The following PARP6 variants were observed in gnomAD, a reference collection of about 807,000 sequenced individuals.
PARP6 encodes the protein protein mono-ADP-ribosyltransferase PARP6.
A neutral mutation model predicts 92.0 loss-of-function variants in PARP6; 27 were observed. That is an observed-to-expected ratio of 0.29 (90% CI 0.22 to 0.40). The LOEUF (loss-of-function observed/expected upper bound fraction) is 0.40, where lower values mean the gene tolerates loss of function less well. Ranked by LOEUF, PARP6 falls within the 10% of genes least tolerant of loss-of-function variation. PARP6 has a pLI of 1.00. For synonymous variants in PARP6, 272 were observed against 281.2 expected (o/e 0.97, Z 0.33); for missense variants, 501 against 784.5 (o/e 0.64, Z 4.32).
Position 72,242,183 on chromosome 15 carries a change from T to G in PARP6, c.1679A>C (p.Asn560Thr). The G allele has an allele frequency of 6.2e-7, 1 of 1,614,116 alleles. No homozygotes were observed. The highest frequency in any genetic ancestry group is 8.5e-7 in the Non-Finnish European group (1 of 1,179,994). ...TTCACAAAGTGCTATACAGTTTAGA[T>G]TCCGACTCTGCAGGAACCGTGACTG... ...SIQSRFLQSRNLNCIALCEVI... is the reference protein window; with the variant it reads ...SIQSRFLQSRTLNCIALCEVI... The change falls in exon 22 of 24, where the codon AAT (asparagine) becomes ACT (threonine). Residue 560 changes from asparagine to threonine, a missense_variant. Transcript: ENST00000569795. The surrounding 1 kb of genome is among the most constrained non-coding windows in gnomAD (Gnocchi z 4.3).
At chr15:72,243,119 AG>A (rs2140880566) in intron 20 of PARP6, 1 of 165,808 alleles carries the variant, frequency 6.0e-6, no homozygotes, top group African/African-American at 2.4e-5. Flanking sequence ...TGAATTGCAG[AG>A]GAGTGGTGAG....
In PARP6 at chr15:72,241,309, G is replaced by A. The variant is rs1353269807; in HGVS notation, c.*146C>T. ...TAGTTCTTGGGTCAAGCTCTACCATGAAGGCCACCTCTTACATATCCTTTT... is the reference window on the plus strand; with the variant it reads ...TAGTTCTTGGGTCAAGCTCTACCATAAAGGCCACCTCTTACATATCCTTTT... On this transcript the variant is annotated 3_prime_UTR_variant, in exon 24 of 24. Transcript: ENST00000569795. The surrounding 1 kb of genome is among the most constrained non-coding windows in gnomAD (Gnocchi z 4.1). The A allele has an allele frequency of 2.8e-6, 2 of 710,574 alleles. No individual in the cohort carries two copies. The highest frequency in any genetic ancestry group is 3.5e-5 in the African/African-American group (2 of 57,324). The allele number at this position is 710,574 out of a possible 1,614,324, so 44.0% of individuals were successfully genotyped here.
rs1567182237 is a variant in PARP6 at position 72,251,269 on chromosome 15, G to A, written c.1260-14C>T. 6 of 1,534,608 alleles carry A rather than the reference G, an allele frequency of 3.9e-6. No homozygotes were observed. Among genetic ancestry groups the A allele is most frequent in the Admixed American group, 3.6e-5 (2 of 55,394 alleles). ...CTAGAGATGATCCTGGGAAGAAACA[G>A]AAAAAAATAAAAAGGATAGAATAAT... On this transcript the variant is annotated splice_polypyrimidine_tract_variant and intron_variant, in intron 16 of 23. Coordinates refer to ENST00000569795, the MANE Select transcript of PARP6 (RefSeq NM_001323532.2).
At chr15:72,270,052 T>C (rs960683956) in intron 2 of PARP6, among the ~76,000 whole-genome samples, 1 of 152,232 alleles carries the variant, frequency 6.6e-6, no homozygotes, top group African/African-American at 2.4e-5. Flanking sequence ...TAAGGACCTG[T>C]GGTTCATTCC....
chr15:72,272,008 T>C (rs946881706), intron 1 of PARP6, among the ~76,000 whole-genome samples: 2 of 152,192 alleles, frequency 1.3e-5, no homozygotes, highest in African/African-American at 2.4e-5. Context: ...CCCGGCTTTG[T>C]GGTCCTGGAG....
At chr15:72,265,699 G>A (rs1041767676) in intron 5 of PARP6, among the ~76,000 whole-genome samples, 198 bp downstream of exon 5, 5 of 152,170 alleles carry the variant, frequency 3.3e-5, no homozygotes, top group Non-Finnish European at 5.9e-5. Flanking sequence ...GGCCCAGAGG[G>A]GTCTAGGATA....
rs747993031 is a variant in PARP6 at position 72,265,490 on chromosome 15, G to A, written c.177-17C>T. 6.3e-7 allele frequency: 1 copy of A among 1,591,334 alleles called. No homozygotes were observed. Among genetic ancestry groups the A allele is most frequent in the Non-Finnish European group, 8.6e-7 (1 of 1,159,174 alleles). On this transcript the variant is annotated splice_polypyrimidine_tract_variant and intron_variant, in intron 5 of 23. Transcript: ENST00000569795. Reference sequence around the variant, plus strand: ...CCATATTCTCTATAGAGATACAGGTGACAACAGGTGAGACTCATTAAGGGA... The same window carrying A: ...CCATATTCTCTATAGAGATACAGGTAACAACAGGTGAGACTCATTAAGGGA...
chr15:72,241,203 T>G lies in PARP6; in HGVS notation c.*252A>C. 2 of 596,034 alleles carry G rather than the reference T, an allele frequency of 3.4e-6. No homozygotes were observed. Among genetic ancestry groups the G allele is most frequent in the Non-Finnish European group, 6.3e-6 (2 of 317,618 alleles). The allele number at this position is 596,034 out of a possible 1,614,324, so 36.9% of individuals were successfully genotyped here. A position where few individuals can be genotyped will look rare whatever the true frequency, so the allele number is the denominator to read the frequency against. On this transcript the variant is annotated 3_prime_UTR_variant, in exon 24 of 24. Transcript: ENST00000569795. The surrounding 1 kb of genome is among the most constrained non-coding windows in gnomAD (Gnocchi z 4.1). ...ATATCCAGTCCACAGCACCTTCCAT[T>G]TTATTGTTTTATTTACAAACAGGGT...
In PARP6 at chr15:72,264,635, A is replaced by G. The variant is rs1228969917; in HGVS notation, c.329-14T>C. The stretch of plus-strand genomic sequence containing the variant: ...CAATGGATGGTTCTGCAAAGAGAAG[A>G]GAAGGCTACTAGTAAGTACATATCT... On this transcript the variant is annotated splice_polypyrimidine_tract_variant and intron_variant, in intron 7 of 23. Transcript: ENST00000569795. The G allele has an allele frequency of 1.2e-6, 2 of 1,609,908 alleles. No individual in the cohort carries two copies. Among genetic ancestry groups the G allele is most frequent in the East Asian group, 4.5e-5 (2 of 44,848 alleles).
chr15:72,264,314 T>C (rs1467782155), intron 8 of PARP6, among the ~76,000 whole-genome samples: 1 of 152,230 alleles, frequency 6.6e-6, no homozygotes, highest in Non-Finnish European at 1.5e-5. Flanking sequence ...AAATGCTAAG[T>C]AGTGATGAGC....
intron 20 of PARP6, 92 bp downstream of exon 20, chr15:72,249,153 C>A: frequency 3.0e-6 from 2 of 657,864 alleles, no homozygotes; most frequent in South Asian, 2.0e-5. Flanking sequence ...GACCAAGTAT[C>A]CATAATGAGG....
Position 72,241,431 on chromosome 15 carries a change from G to T in PARP6, c.*24C>A, listed in dbSNP as rs1390581802. The T allele has an allele frequency of 1.3e-6, 2 of 1,499,980 alleles. No homozygotes were observed. Among genetic ancestry groups the T allele is most frequent in the Non-Finnish European group, 9.3e-7 (1 of 1,075,818 alleles). 92.9% of individuals were successfully genotyped at this position (1,499,980 alleles called of 1,614,324 possible). A position where few individuals can be genotyped will look rare whatever the true frequency, so the allele number is the denominator to read the frequency against. On this transcript the variant is annotated 3_prime_UTR_variant, in exon 24 of 24. Transcript: ENST00000569795. This position sits in a 1 kb window ranked among gnomAD's most constrained non-coding sequence, Gnocchi z 4.1. The stretch of plus-strand genomic sequence containing the variant: ...GGCAGATGGATCCTGGGGTAACAGG[G>T]GTGGTACGAGGGCTGGGGCCCCCTC...
At chr15:72,267,421 T>C in intron 3 of PARP6, 54 bp downstream of exon 3, 2 of 1,598,856 alleles carry the variant, frequency 1.3e-6, no homozygotes, top group Non-Finnish European at 1.7e-6. Context: ...ATCTGCACTT[T>C]GTCTCCTCTA....
intron 13 of PARP6, among the ~76,000 whole-genome samples, chr15:72,256,992 C>G (rs1224497421): frequency 6.6e-6 from 1 of 152,204 alleles, no homozygotes; most frequent in Non-Finnish European, 1.5e-5. Flanking sequence ...ATCCTCCCAT[C>G]TCAGCCTCCC....
In PARP6 at chr15:72,271,082, A is replaced by C. The variant is rs1448681308; in HGVS notation, c.-254T>G. 2 of 152,088 alleles carry C rather than the reference A, an allele frequency of 1.3e-5. No homozygotes were observed. The highest frequency in any genetic ancestry group is 4.8e-5 in the African/African-American group (2 of 41,382). 9.4% of individuals were successfully genotyped at this position (152,088 alleles called of 1,614,324 possible). ...CTTGGGGTGAGGTTCGTGAGATTTGAAAATAAACAGTCAAGTGCTGATCTG... is the reference window on the plus strand; with the variant it reads ...CTTGGGGTGAGGTTCGTGAGATTTGCAAATAAACAGTCAAGTGCTGATCTG... On this transcript the variant is annotated 5_prime_UTR_variant, in exon 2 of 24. Transcript: ENST00000569795.
rs546009582 is a variant in PARP6 at position 72,249,172 on chromosome 15, G to A, written c.1561+73C>T. 4.9e-6 allele frequency: 4 copies of A among 820,110 alleles called. No individual in the cohort carries two copies. The East Asian group carries it at 1.0e-4, about 21-fold the overall frequency. The allele number at this position is 820,110 out of a possible 1,614,324, so 50.8% of individuals were successfully genotyped here. ...AAGTATCCATAATGAGGGAGGAACA[G>A]ACAGCACAAATCATGTATTCACAAA... On this transcript the variant is annotated intron_variant, in intron 20 of 23. Transcript: ENST00000569795.
In PARP6 at chr15:72,264,535, G is replaced by A. The variant is rs753602018; in HGVS notation, c.395+20C>T. 47 of 1,602,546 alleles carry A rather than the reference G, an allele frequency of 2.9e-5. No homozygotes were observed. In the Admixed American group the frequency reaches 3.0e-4, roughly 10 times the overall value. ...TCCTTCCTTCACATGTCCATGACCA[G>A]AAAAGACCAAAGTTCTTACTTTTTC... On this transcript the variant is annotated intron_variant, in intron 8 of 23. Transcript: ENST00000569795.
Position 72,256,507 on chromosome 15 carries a change from C to A in PARP6, c.1083G>T (p.Val361=). The A allele has an allele frequency of 6.3e-7, 1 of 1,599,698 alleles. No individual in the cohort carries two copies. Among genetic ancestry groups the A allele is most frequent in the East Asian group, 2.3e-5 (1 of 43,484 alleles). ...GAGTCTTGGGATCAGTGGGGTCCAC[C>A]ACAGAGGGATAAGGCTCAAAGATGA... ...KSIIFEPYPS[V]VDPTDPKTLA... is the part of the protein sequence containing the mutation. The change falls in exon 14 of 24, where the codon GTG becomes GTT. Residue 361 remains valine (V), a synonymous_variant. Transcript: ENST00000569795.
intron 20 of PARP6, chr15:72,244,398 A>G (rs2083379351): frequency 6.6e-6 from 1 of 152,236 alleles, no homozygotes; most frequent in Non-Finnish European, 1.5e-5. Flanking sequence ...GGTGGCTAGA[A>G]TAATCCCTAG....
Sources: gnomAD v4.1 joint callset for allele counts (sites outside exome capture counted in the v4.1 genomes callset) on GRCh38, gnomAD v4.1.1 for gene constraint, Gnocchi (gnomAD v3.1) non-coding constraint, MANE v1.5 for transcripts, NCBI Gene and HGNC (gene_info 2026-07-23, HGNC 2026-07-21) for gene names.